BRINP2: variants seen among roughly 807,000 people sequenced by gnomAD.
BRINP2 encodes the protein BMP/retinoic acid-inducible neural-specific protein 2.
In BRINP2, 21 loss-of-function variants were observed where a neutral mutation model predicts 69.2. The ratio of observed to expected loss-of-function variants is 0.30; its 90% CI spans 0.22 to 0.44. BRINP2 has a LOEUF of 0.44. BRINP2 is among the 20% of genes least tolerant of loss of function. The pLI is 1.00. For missense variants in BRINP2, 877 were observed against 986.0 expected (o/e 0.89, Z 1.48); for synonymous variants, 380 against 394.1 (o/e 0.96, Z 0.42).
At chr1:177,217,213 A>ACTCCT (rs1255112815) in intron 1 of BRINP2, among the ~76,000 whole-genome samples, 1 of 149,366 alleles carries the variant, frequency 6.7e-6, no homozygotes, top group Non-Finnish European at 1.5e-5. Flanking sequence ...ATTATTATTT[A>ACTCCT]CTCCTCTGAT....
At chr1:177,277,117 C>T (rs925433485) in intron 6 of BRINP2, among the ~76,000 whole-genome samples, 2 of 151,932 alleles carry the variant, frequency 1.3e-5, no homozygotes, top group African/African-American at 4.8e-5. Context: ...AGTTCAAAAA[C>T]ATGATGTTGA....
chr1:177,227,832 T>G (rs1343839400), intron 1 of BRINP2, among the ~76,000 whole-genome samples: 1 of 152,252 alleles, frequency 6.6e-6, no homozygotes, highest in Non-Finnish European at 1.5e-5. Context: ...CTATCTATTC[T>G]ATTGCATTGA....
At chr1:177,194,335 G>A (rs1648675160) in intron 1 of BRINP2, among the ~76,000 whole-genome samples, 1 of 152,106 alleles carries the variant, frequency 6.6e-6, no homozygotes, top group African/African-American at 2.4e-5. Flanking sequence ...CTATGAATAG[G>A]ATATTTCACT....
At chr1:177,231,916 C>T (rs1252783711) in intron 2 of BRINP2, among the ~76,000 whole-genome samples, 1 of 151,720 alleles carries the variant, frequency 6.6e-6, no homozygotes, top group African/African-American at 2.4e-5. Context: ...TCAAAGATGC[C>T]TCCCTACACT....
chr1:177,189,579 A>C (rs1238707963), intron 1 of BRINP2, among the ~76,000 whole-genome samples: 1 of 152,214 alleles, frequency 6.6e-6, no homozygotes, highest in Admixed American at 6.5e-5. Flanking sequence ...TGTTCTTCTT[A>C]ACACAGACTT....
chr1:177,213,669 G>T (rs913860825), intron 1 of BRINP2, among the ~76,000 whole-genome samples: 1 of 152,140 alleles, frequency 6.6e-6, no homozygotes, highest in Non-Finnish European at 1.5e-5. Context: ...AGTCGTGGAC[G>T]TGTGCAAGTC....
At chr1:177,173,603 G>GA (rs1370425873) in intron 1 of BRINP2, among the ~76,000 whole-genome samples, 2 of 152,190 alleles carry the variant, frequency 1.3e-5, no homozygotes, top group African/African-American at 4.8e-5. Flanking sequence ...TGGTCTCAAA[G>GA]ATGGGGAGCA....
At chr1:177,211,092 T>A (rs1489989191) in intron 1 of BRINP2, among the ~76,000 whole-genome samples, 2 of 151,696 alleles carry the variant, frequency 1.3e-5, no homozygotes, top group Admixed American at 1.3e-4. Flanking sequence ...TCCAGTTATG[T>A]CCATAAAGCT....
chr1:177,259,341 C>CGTA (rs1650869246), intron 4 of BRINP2, among the ~76,000 whole-genome samples: 1 of 152,030 alleles, frequency 6.6e-6, no homozygotes, highest in African/African-American at 2.4e-5. Context: ...TTGAAGCTAG[C>CGTA]GTAGGTTGGT....
intron 2 of BRINP2, among the ~76,000 whole-genome samples, chr1:177,242,961 G>A (rs112090378): frequency 2.0e-5 from 3 of 152,044 alleles, no homozygotes; most frequent in African/African-American, 7.2e-5. Flanking sequence ...TTTTAGTTGT[G>A]TAAATTATTT....
At position 177,282,381 on chromosome 1, in the gene BRINP2, A is replaced by G. The variant is rs917824635; in HGVS notation, c.*853A>G. 16 of 152,108 alleles carry G rather than the reference A, an allele frequency of 1.1e-4. No individual in the cohort carries two copies. Among genetic ancestry groups the G allele is most frequent in the Admixed American group, 3.9e-4 (6 of 15,260 alleles). The allele number at this position is 152,108 out of a possible 1,614,324, so 9.4% of individuals were successfully genotyped here. A position where few individuals can be genotyped will look rare whatever the true frequency, so the allele number is the denominator to read the frequency against. Reference sequence around the variant, plus strand: ...TTGTTTTCCTTGTTAATCTGCTCCAACCACCTGAACATCTAAGTAAACATT... The same window carrying G: ...TTGTTTTCCTTGTTAATCTGCTCCAGCCACCTGAACATCTAAGTAAACATT... On this transcript the variant is annotated 3_prime_UTR_variant, in exon 8 of 8. Coordinates refer to ENST00000361539, the MANE Select transcript of BRINP2 (RefSeq NM_021165.4).
intron 1 of BRINP2, among the ~76,000 whole-genome samples, chr1:177,200,963 T>C (rs1194701487): frequency 1.3e-5 from 2 of 152,214 alleles, no homozygotes; most frequent in African/African-American, 2.4e-5. Context: ...ATACCGTATG[T>C]TCTCACTTAT....
chr1:177,277,075 CA>C (rs1651524129), intron 6 of BRINP2, among the ~76,000 whole-genome samples: 1 of 152,036 alleles, frequency 6.6e-6, no homozygotes, highest in Admixed American at 6.6e-5. Context: ...TTGCACATTT[CA>C]ACACTAAATG....
rs1293345 is a variant in BRINP2, at chr1:177,243,326, T to G, written c.270-12593T>G. Among the ~76,000 whole-genome samples, 1,277 of 152,332 alleles carry G rather than the reference T, an allele frequency of 8.4e-3. 16 individuals carry two copies. The highest frequency in any genetic ancestry group is 0.029 in the African/African-American group (1,217 of 41,574). ...TAGCTTGAGTTAATCTAGCCACTGATTTTATAGTTGTAGATAGTTCAAAAT... is the reference window on the plus strand; with the variant it reads ...TAGCTTGAGTTAATCTAGCCACTGAGTTTATAGTTGTAGATAGTTCAAAAT... On this transcript the variant is annotated intron_variant, in intron 2 of 7. Coordinates refer to ENST00000361539, the MANE Select transcript of BRINP2 (RefSeq NM_021165.4).
intron 4 of BRINP2, among the ~76,000 whole-genome samples, chr1:177,266,673 T>C (rs902827922): frequency 1.4e-5 from 2 of 141,040 alleles, no homozygotes; most frequent in African/African-American, 2.7e-5. Context: ...GGAAGGAGAA[T>C]GGCATGAACT....
intron 1 of BRINP2, among the ~76,000 whole-genome samples, chr1:177,210,967 T>C (rs1428528844): frequency 2.0e-5 from 3 of 147,426 alleles, no homozygotes; most frequent in South Asian, 2.1e-4. Context: ...ATTTTTAATA[T>C]AGCTATTAGT....
At chr1:177,188,516 A>G (rs1297176692) in intron 1 of BRINP2, among the ~76,000 whole-genome samples, 1 of 152,194 alleles carries the variant, frequency 6.6e-6, no homozygotes, top group African/African-American at 2.4e-5. Flanking sequence ...TGGTCAGGGT[A>G]GACCTCAAGG....
chr1:177,219,403 A>G (rs1649463923), intron 1 of BRINP2, among the ~76,000 whole-genome samples: 1 of 152,246 alleles, frequency 6.6e-6, no homozygotes, highest in Non-Finnish European at 1.5e-5. Context: ...ACTATGCTAC[A>G]AAAAGGTACA....
intron 1 of BRINP2, among the ~76,000 whole-genome samples, chr1:177,194,880 T>C (rs1648698556): frequency 6.6e-6 from 1 of 152,150 alleles, no homozygotes; most frequent in African/African-American, 2.4e-5. Flanking sequence ...TCCAGTGGTA[T>C]TCTACTAGTT....
Sources: allele counts gnomAD v4.1 joint callset (sites outside exome capture counted in the v4.1 genomes callset), GRCh38; gene constraint gnomAD v4.1.1; transcripts MANE v1.5; gene names NCBI Gene and HGNC (gene_info 2026-07-23, HGNC 2026-07-21).